Variants in RYR2 observed in about 807,000 individuals in gnomAD.
RYR2 encodes ryanodine receptor 2, also known as cardiac muscle ryanodine receptor-calcium release channel.
RYR2 carries 227 observed loss-of-function variants against 601.1 expected under a neutral mutation model. That is an observed-to-expected ratio of 0.38 (90% CI 0.34 to 0.42). RYR2 has a LOEUF of 0.42. Ranked by LOEUF, RYR2 falls within the 10% of genes least tolerant of loss-of-function variation. The pLI is 1.00. For synonymous variants in RYR2, 2,223 were observed against 2,175.1 expected (o/e 1.02, Z -0.61); for missense variants, 4,646 against 6,156.5 (o/e 0.75, Z 8.21).
chr1:237,724,206 TA>T (rs1690007619), intron 74 of RYR2, among the ~76,000 whole-genome samples: 1 of 148,032 alleles, frequency 6.8e-6, no homozygotes, highest in Non-Finnish European at 1.5e-5. Context: ...TATATATATA[TA>T]TATATATATA....
At chr1:237,548,718 G>C in intron 26 of RYR2, 128 bp downstream of exon 26, 1 of 1,140,254 alleles carries the variant, frequency 8.8e-7, no homozygotes. Context: ...TGCACATTTG[G>C]ACTAAAACAG....
intron 1 of RYR2, among the ~76,000 whole-genome samples, chr1:237,158,145 G>C (rs547910034): frequency 3.9e-5 from 6 of 152,196 alleles, no homozygotes; most frequent in Non-Finnish European, 8.8e-5. Context: ...TGTGTTTTAA[G>C]TACATGGCAT....
intron 63 of RYR2, among the ~76,000 whole-genome samples, chr1:237,688,976 C>G (rs527766881): frequency 7.2e-5 from 11 of 152,036 alleles, no homozygotes; most frequent in Non-Finnish European, 2.9e-5. Context: ...ATCCTAAGAA[C>G]AACTTGGCTA....
At chr1:237,448,978 G>T in intron 14 of RYR2, among the ~76,000 whole-genome samples, 1 of 151,898 alleles carries the variant, frequency 6.6e-6, no homozygotes, top group East Asian at 1.9e-4. Context: ...TATGATTATT[G>T]ATATAGTAGG....
chr1:237,270,676 T>C, intron 2 of RYR2, 60 bp downstream of exon 2: 1 of 1,517,272 alleles, frequency 6.6e-7, no homozygotes, highest in African/African-American at 1.4e-5. Flanking sequence ...GCATTGAAGT[T>C]ATTTATGAGC....
chr1:237,212,338 G>A (rs926478037), intron 1 of RYR2, among the ~76,000 whole-genome samples: 2 of 152,088 alleles, frequency 1.3e-5, no homozygotes, highest in Admixed American at 6.6e-5. Context: ...ATGGTGTTCT[G>A]TAATATTCAT....
chr1:237,831,593 T>A lies in RYR2; in HGVS notation c.14808+28T>A, dbSNP rs146698755. ...AGGTAAATTATTACATGTCATCTTC[T>A]GAAAGAAATGATAGAGAAGCTCTAA... On this transcript the variant is annotated intron_variant, in intron 104 of 104. Coordinates refer to ENST00000366574, the MANE Select transcript of RYR2 (RefSeq NM_001035.3). The A allele has an allele frequency of 2.3e-6, 3 of 1,324,758 alleles. No individual in the cohort carries two copies. The East Asian group carries it at 6.9e-5, about 31-fold the overall frequency. The allele number at this position is 1,324,758 out of a possible 1,614,324, so 82.1% of individuals were successfully genotyped here.
At chr1:237,641,400 G>C (rs996879247) in intron 47 of RYR2, among the ~76,000 whole-genome samples, 3 of 152,020 alleles carry the variant, frequency 2.0e-5, no homozygotes, top group African/African-American at 7.2e-5. Flanking sequence ...TCGTTTTAGG[G>C]GAAAGTGAGA....
intron 16 of RYR2, among the ~76,000 whole-genome samples, chr1:237,463,091 G>A (rs1293196363): frequency 6.6e-6 from 1 of 152,030 alleles, no homozygotes; most frequent in African/African-American, 2.4e-5. Context: ...TCGTTTGTTT[G>A]TTTAATGGGT....
intron 10 of RYR2, 50 bp from the exon 11 acceptor site, chr1:237,416,999 A>G (rs771759267): frequency 3.9e-6 from 6 of 1,534,276 alleles, no homozygotes; most frequent in African/African-American, 2.7e-5. Context: ...AGTCCAAAGA[A>G]TGAAACATGT....
chr1:237,733,759 A>AAAT lies in RYR2; in HGVS notation c.11091+6_11091+8dup. On this transcript the variant is annotated splice_donor_region_variant and intron_variant, in intron 79 of 104. Coordinates refer to ENST00000366574, the MANE Select transcript of RYR2 (RefSeq NM_001035.3). ...CCTATGCAGATATTATGGCAAAGGT[A>AAAT]AATAAGTATCCTTCCTGATTTTCAT... is the stretch of plus-strand genomic sequence containing the variant. 6.3e-7 allele frequency: 1 copy of AAAT among 1,579,672 alleles called. No homozygotes were observed. The highest frequency in any genetic ancestry group is 1.1e-5 in the South Asian group (1 of 90,104).
intron 89 of RYR2, among the ~76,000 whole-genome samples, chr1:237,783,393 C>T (rs936387668): frequency 6.6e-6 from 1 of 152,010 alleles, no homozygotes; most frequent in Non-Finnish European, 1.5e-5. Context: ...GGCTCATTTT[C>T]TTTATCTAAA....
At chr1:237,446,299 G>A (rs1572365736) in intron 14 of RYR2, among the ~76,000 whole-genome samples, 1 of 152,174 alleles carries the variant, frequency 6.6e-6, no homozygotes, top group South Asian at 2.1e-4. Flanking sequence ...TGACTTGCGA[G>A]AGATTGCATT....
At chr1:237,778,377 AGAG>A (rs1279551222) in intron 87 of RYR2, among the ~76,000 whole-genome samples, 1 of 128,538 alleles carries the variant, frequency 7.8e-6, no homozygotes, top group Non-Finnish European at 1.6e-5. Context: ...TCCTCTAAAT[AGAG>A]GAGATCAAAG....
intron 3 of RYR2, among the ~76,000 whole-genome samples, chr1:237,345,766 A>G (rs1417677307): frequency 6.6e-6 from 1 of 152,084 alleles, no homozygotes; most frequent in African/African-American, 2.4e-5. Flanking sequence ...ATCTATTATT[A>G]TGTCTAATAC....
intron 1 of RYR2, among the ~76,000 whole-genome samples, chr1:237,150,706 A>T (rs2148813102): frequency 6.6e-6 from 1 of 152,316 alleles, no homozygotes; most frequent in South Asian, 2.1e-4. Context: ...TTAATCATAG[A>T]TTTGGAGAAT....
At chr1:237,337,429 AATGCAAGAGCAAAAG>A (rs1291941626) in intron 3 of RYR2, among the ~76,000 whole-genome samples, 1 of 152,212 alleles carries the variant, frequency 6.6e-6, no homozygotes, top group Non-Finnish European at 1.5e-5. Context: ...ATTTTATATA[AATGCAAGAGCAAAAG>A]ATGAAGAAGA....
chr1:237,083,250 A>C (rs1364396347), intron 1 of RYR2, among the ~76,000 whole-genome samples: 1 of 152,162 alleles, frequency 6.6e-6, no homozygotes, highest in Non-Finnish European at 1.5e-5. Flanking sequence ...ACCATGTAGA[A>C]GTTTCCCGAT....
At chr1:237,727,237 A>AT in intron 76 of RYR2, 38 bp downstream of exon 76, 1 of 994,052 alleles carries the variant, frequency 1.0e-6, no homozygotes, top group Non-Finnish European at 1.5e-6. Context: ...GATCAATGTT[A>AT]TTTTTTCCTA....
Sources: allele counts gnomAD v4.1 joint callset (sites outside exome capture counted in the v4.1 genomes callset), GRCh38; gene constraint gnomAD v4.1.1; transcripts MANE v1.5; gene names NCBI Gene and HGNC (gene_info 2026-07-23, HGNC 2026-07-21).